The following LPAR5 variants were observed in gnomAD, a reference collection of about 807,000 sequenced individuals.
LPAR5 encodes G protein-coupled receptor 92.
For synonymous variants in LPAR5, 271 were observed against 261.6 expected, an observed-to-expected ratio of 1.04 and a Z score of -0.35; for missense variants, 544 against 521.8, an observed-to-expected ratio of 1.04 and a Z score of -0.41.
At chr12:6,633,364 A>G (rs1357930653) in intron 1 of LPAR5, among the ~76,000 whole-genome samples, 1 of 150,910 alleles carries the variant, frequency 6.6e-6, no homozygotes, top group African/African-American at 2.4e-5. Context: ...TTTAGAGTGC[A>G]CTGGCTTCAG....
At chr12:6,625,443 C>A (rs1399118101) in intron 1 of LPAR5, among the ~76,000 whole-genome samples, 1 of 138,920 alleles carries the variant, frequency 7.2e-6, no homozygotes, top group South Asian at 2.3e-4. Flanking sequence ...AAAAGAGGGC[C>A]GGGCGCGGTG....
At chr12:6,633,263 G>A (rs556952952) in intron 1 of LPAR5, among the ~76,000 whole-genome samples, 9 of 152,308 alleles carry the variant, frequency 5.9e-5, no homozygotes, top group Admixed American at 5.9e-4. Context: ...GAGGTGGTCT[G>A]TGTGCATCTG....
In LPAR5 at chr12:6,620,390, C is replaced by T. The variant is rs1261249514; in HGVS notation, c.859G>A (p.Gly287Ser). The T allele has an allele frequency of 6.2e-7, 1 of 1,611,426 alleles. No homozygotes were observed. Among genetic ancestry groups the T allele is most frequent in the Non-Finnish European group, 8.5e-7 (1 of 1,179,216 alleles). ...GVLMVMVLLA[G>S]ANCVLDPLVY... ...AGCGGGTCCAGCACGCAGTTGGCGC[C>T]GGCCAGCAGCACCATCACCATCAGC... Residue 287 changes from glycine (G) to serine (S), a missense_variant, in exon 2 of 2, where the codon GGC (glycine) becomes AGC (serine). By Grantham distance (56) the Gly-to-Ser change is moderately conservative (BLOSUM62 0). Transcript: ENST00000329858. The surrounding 1 kb of genome is among the most constrained non-coding windows in gnomAD (Gnocchi z 6.8).
chr12:6,629,069 T>C (rs927438932), intron 1 of LPAR5, among the ~76,000 whole-genome samples: 3 of 146,626 alleles, frequency 2.0e-5, no homozygotes, highest in African/African-American at 7.5e-5. Context: ...TGATCTCAAG[T>C]CTTTCTGTTG....
chr12:6,629,864 A>C (rs1340308028), intron 1 of LPAR5, among the ~76,000 whole-genome samples: 3 of 150,076 alleles, frequency 2.0e-5, no homozygotes, highest in Non-Finnish European at 4.4e-5. Context: ...ATCTCTACTA[A>C]AAATACAAAA....
intron 1 of LPAR5, among the ~76,000 whole-genome samples, chr12:6,635,356 T>A (rs535775165): frequency 6.6e-6 from 1 of 152,318 alleles, no homozygotes; most frequent in Admixed American, 6.5e-5. Flanking sequence ...CTTATATAGA[T>A]GCACCTTTTG....
intron 1 of LPAR5, among the ~76,000 whole-genome samples, chr12:6,624,700 A>C (rs1948921423): frequency 6.6e-6 from 1 of 152,022 alleles, no homozygotes; most frequent in South Asian, 2.1e-4. Context: ...GGCTCACCGC[A>C]ACCTCTGCTT....
In LPAR5 at chr12:6,635,718, G is replaced by A. The variant is rs1285714774; in HGVS notation, c.-217+189C>T. 2.0e-5 allele frequency among the ~76,000 whole-genome samples: 3 copies of A among 152,170 alleles called. No individual in the cohort carries two copies. The East Asian group carries it at 5.8e-4, about 29-fold the overall frequency. Reference sequence around the variant, plus strand: ...CCGAGGTGTAGCAGGCATGTTAGCTGTTTGTCCAGCGCCATCTGAAAAGAT... The same window carrying A: ...CCGAGGTGTAGCAGGCATGTTAGCTATTTGTCCAGCGCCATCTGAAAAGAT... On this transcript the variant is annotated intron_variant, in intron 1 of 1. Transcript: ENST00000329858.
chr12:6,619,716 C>T lies in LPAR5; in HGVS notation c.*414G>A, dbSNP rs1404433833. ...CAGAAGTCAGCAGATGAACAGGCATCTCAGTAGCTTTGTCCACCAAACCTG... is the reference window on the plus strand; with the variant it reads ...CAGAAGTCAGCAGATGAACAGGCATTTCAGTAGCTTTGTCCACCAAACCTG... On this transcript the variant is annotated 3_prime_UTR_variant, in exon 2 of 2. Transcript: ENST00000329858. 1 of 360,364 alleles carries T rather than the reference C, an allele frequency of 2.8e-6. No individual in the cohort carries two copies. Among genetic ancestry groups the T allele is most frequent in the East Asian group, 7.2e-5 (1 of 13,820 alleles). The allele number at this position is 360,364 out of a possible 1,614,324, so 22.3% of individuals were successfully genotyped here.
intron 1 of LPAR5, among the ~76,000 whole-genome samples, chr12:6,628,221 C>T (rs1289859336): frequency 1.3e-5 from 2 of 151,976 alleles, no homozygotes; most frequent in African/African-American, 4.8e-5. Flanking sequence ...TGGGGTTTCA[C>T]TGTATTAGCC....
At chr12:6,624,106 A>C (rs897866057) in intron 1 of LPAR5, among the ~76,000 whole-genome samples, 12 of 152,204 alleles carry the variant, frequency 7.9e-5, no homozygotes, top group African/African-American at 2.4e-4. Context: ...CAGTTTCTTC[A>C]TCTGTAAAAT....
At position 6,621,434 on chromosome 12, in the gene LPAR5, G is replaced by A. The variant is rs1948895471; in HGVS notation, c.-186C>T. ...CAGATGGCTGCCAAGGGTTGGGTGC[G>A]TTTGGTCACAGCTTCATCAGCAGCA... On this transcript the variant is annotated 5_prime_UTR_variant, in exon 2 of 2. It adds an upstream start codon to the 5' untranslated region. Transcript: ENST00000329858. 6.0e-6 allele frequency: 3 copies of A among 501,002 alleles called. No homozygotes were observed. The highest frequency in any genetic ancestry group is 3.3e-6 in the Non-Finnish European group (1 of 300,500). 31.0% of individuals were successfully genotyped at this position (501,002 alleles called of 1,614,324 possible).
intron 1 of LPAR5, among the ~76,000 whole-genome samples, chr12:6,629,032 A>G (rs1408391936): frequency 1.3e-5 from 2 of 148,172 alleles, no homozygotes; most frequent in Admixed American, 6.8e-5. Context: ...TGGCCTCCCA[A>G]AGTGCTGGGA....
Position 6,628,028 on chromosome 12 carries a change from C to CTTTTTTTTTTTTTTT in LPAR5, c.-216-6565_-216-6564insAAAAAAAAAAAAAAA, listed in dbSNP as rs71067128. ...GATCATTCTTTTCTTTTTCTTTTTT[C>CTTTTTTTTTTTTTTT]TTTTTTTTTTTGAGACAGAGTCTTG... On this transcript the variant is annotated intron_variant, in intron 1 of 1. Coordinates refer to ENST00000329858, the MANE Select transcript of LPAR5 (RefSeq NM_020400.6). Among the ~76,000 whole-genome samples the CTTTTTTTTTTTTTTT allele has an allele frequency of 3.4e-4, 46 of 134,478 alleles. 3 individuals carry two copies. Among genetic ancestry groups the CTTTTTTTTTTTTTTT allele is most frequent in the East Asian group, 6.5e-4 (3 of 4,636 alleles). The allele number at this position is 134,478 out of a possible 152,430, so 88.2% of individuals were successfully genotyped here.
At chr12:6,626,855 G>A (rs548374579) in intron 1 of LPAR5, among the ~76,000 whole-genome samples, 1 of 152,184 alleles carries the variant, frequency 6.6e-6, no homozygotes, top group Non-Finnish European at 1.5e-5. Context: ...ACAGTGCGCA[G>A]GTTTATCAGA....
chr12:6,620,617 G>A lies in LPAR5; in HGVS notation c.632C>T (p.Ser211Leu). ...LLPLAAVVYS[S>L]GRVFWTLARP... is the part of the protein sequence containing the mutation. ...CGCCAGCGTCCAGAAGACTCGGCCC[G>A]ACGAGTAGACCACCGCCGCCAGGGG... Residue 211 changes from serine (S) to leucine (L), a missense_variant, in exon 2 of 2, where the codon TCG (serine) becomes TTG (leucine). Transcript: ENST00000329858. This position sits in a 1 kb window ranked among gnomAD's most constrained non-coding sequence, Gnocchi z 6.8. 1 of 1,551,740 alleles carries A rather than the reference G, an allele frequency of 6.4e-7. No homozygotes were observed. The highest frequency in any genetic ancestry group is 8.7e-7 in the Non-Finnish European group (1 of 1,148,450).
Position 6,620,392 on chromosome 12 carries a change from G to GCCAGCAGCACCATCA in LPAR5, c.842_856dup (p.Val281_Leu285dup). 1 of 1,611,368 alleles carries GCCAGCAGCACCATCA rather than the reference G, an allele frequency of 6.2e-7. No homozygotes were observed. The highest frequency in any genetic ancestry group is 8.5e-7 in the Non-Finnish European group (1 of 1,179,202). ...CGGGTCCAGCACGCAGTTGGCGCCG[G>GCCAGCAGCACCATCA]CCAGCAGCACCATCACCATCAGCAC... On this transcript the variant is annotated inframe_insertion, in exon 2 of 2. Transcript: ENST00000329858. This position sits in a 1 kb window ranked among gnomAD's most constrained non-coding sequence, Gnocchi z 6.8.
At chr12:6,627,613 T>A (rs1201961465) in intron 1 of LPAR5, among the ~76,000 whole-genome samples, 1 of 152,084 alleles carries the variant, frequency 6.6e-6, no homozygotes, top group Non-Finnish European at 1.5e-5. Flanking sequence ...TAAACCTCCT[T>A]AAAATTCCCC....
chr12:6,620,840 C>A lies in LPAR5; in HGVS notation c.409G>T (p.Val137Leu), dbSNP rs760224521. 3.2e-6 allele frequency: 5 copies of A among 1,560,624 alleles called. No individual in the cohort carries two copies. Among genetic ancestry groups the A allele is most frequent in the Non-Finnish European group, 4.3e-6 (5 of 1,152,328 alleles). Residue 137 changes from valine to leucine, a missense_variant, in exon 2 of 2, where the codon GTG (valine) becomes TTG (leucine). Transcript: ENST00000329858. The surrounding 1 kb of genome is among the most constrained non-coding windows in gnomAD (Gnocchi z 6.8). ...ACGCCCAGGCAGAGCAGCCGCGCCA[C>A]GCGGGGCCGCCGCAGGTGGCGCAGT... ...LRLRHLRRPRVARLLCLGVWA... is the reference protein window; with the variant it reads ...LRLRHLRRPRLARLLCLGVWA...
Sources: gnomAD v4.1 joint callset for allele counts (sites outside exome capture counted in the v4.1 genomes callset) on GRCh38, gnomAD v4.1.1 for gene constraint, Gnocchi (gnomAD v3.1) non-coding constraint, MANE v1.5 for transcripts, NCBI Gene and HGNC (gene_info 2026-07-23, HGNC 2026-07-21) for gene names.